CACNA1E: variants seen among roughly 807,000 people sequenced by gnomAD.
The protein encoded by CACNA1E is voltage-dependent R-type calcium channel subunit alpha-1E.
A neutral mutation model predicts 259.2 loss-of-function variants in CACNA1E; 40 were observed. The ratio of observed to expected loss-of-function variants is 0.15; its 90% CI spans 0.12 to 0.20. The LOEUF (loss-of-function observed/expected upper bound fraction) is 0.20. CACNA1E is among the 10% of genes least tolerant of loss of function. CACNA1E has a pLI of 1.00. For missense variants in CACNA1E, 1,874 were observed against 3,040.1 expected (o/e 0.62, Z 9.02); for synonymous variants, 1,104 against 1,138.5 (o/e 0.97, Z 0.61).
chr1:181,618,145 T>C (rs764280518), intron 6 of CACNA1E, among the ~76,000 whole-genome samples: 2 of 152,172 alleles, frequency 1.3e-5, no homozygotes, highest in Non-Finnish European at 2.9e-5. Flanking sequence ...TGTATTTGTA[T>C]GAATATGTGA....
intron 37 of CACNA1E, among the ~76,000 whole-genome samples, chr1:181,775,593 C>A (rs952779096): frequency 1.3e-5 from 2 of 152,172 alleles, no homozygotes; most frequent in Admixed American, 6.5e-5. Context: ...GCCCTTGGGA[C>A]AAATCAGGTT....
At chr1:181,726,894 G>A (rs1654958609) in intron 18 of CACNA1E, among the ~76,000 whole-genome samples, 1 of 152,124 alleles carries the variant, frequency 6.6e-6, no homozygotes, top group South Asian at 2.1e-4. Flanking sequence ...TGGAGAGAGA[G>A]CCAATAGGAT....
chr1:181,452,839 G>A (rs965361539), intron 2 of CACNA1E, among the ~76,000 whole-genome samples: 2 of 152,164 alleles, frequency 1.3e-5, no homozygotes, highest in Non-Finnish European at 2.9e-5. Context: ...GTTGTCTGGT[G>A]GTTCTTCTCA....
intron 1 of CACNA1E, among the ~76,000 whole-genome samples, chr1:181,339,853 T>C (rs1557925062): frequency 6.6e-6 from 1 of 152,112 alleles, no homozygotes; most frequent in Non-Finnish European, 1.5e-5. Context: ...TTAAGCAAAT[T>C]AGACTTTTGT....
At chr1:181,715,492 T>C (rs763595813) in intron 9 of CACNA1E, 101 bp downstream of exon 9, 3 of 701,968 alleles carry the variant, frequency 4.3e-6, no homozygotes, top group Non-Finnish European at 7.6e-6. Context: ...AAAGATGGTG[T>C]TCTGGGATTG....
At chr1:181,496,927 T>A (rs2102541428) in intron 1 of CACNA1E, among the ~76,000 whole-genome samples, 1 of 152,258 alleles carries the variant, frequency 6.6e-6, no homozygotes, top group East Asian at 1.9e-4. Context: ...TCTGTTGATA[T>A]GAGGAGCAGT....
At chr1:181,702,549 G>A (rs866081261) in intron 7 of CACNA1E, among the ~76,000 whole-genome samples, 8 of 152,100 alleles carry the variant, frequency 5.3e-5, no homozygotes, top group Non-Finnish European at 1.0e-4. Flanking sequence ...GGTATCTATG[G>A]CCCTACATGA....
intron 3 of CACNA1E, among the ~76,000 whole-genome samples, chr1:181,519,176 G>A (rs1464211442): frequency 6.6e-6 from 1 of 152,190 alleles, no homozygotes; most frequent in Non-Finnish European, 1.5e-5. Flanking sequence ...TGGCATAAAT[G>A]CGAACTCTAT....
In CACNA1E at chr1:181,716,065, G is replaced by A. The variant is rs1407212502; in HGVS notation, c.1251G>A (p.Arg417=). ...LEVLRRATIK[R]SRTEAMTRDS... Reference sequence around the variant, plus strand: ...TGCTTCGAAGGGCAACCATCAAGAGGAGCCGGACAGAGGCCATGACTCGAG... The same window carrying A: ...TGCTTCGAAGGGCAACCATCAAGAGAAGCCGGACAGAGGCCATGACTCGAG... The change falls in exon 10 of 48, where the codon AGG becomes AGA. Residue 417 remains arginine (R), a synonymous_variant. Coordinates refer to ENST00000367573, the MANE Select transcript of CACNA1E (RefSeq NM_001205293.3). 2 of 1,572,206 alleles carry A rather than the reference G, an allele frequency of 1.3e-6. No homozygotes were observed. The highest frequency in any genetic ancestry group is 1.7e-6 in the Non-Finnish European group (2 of 1,158,284).
chr1:181,726,719 C>A (rs1010868422), intron 18 of CACNA1E, among the ~76,000 whole-genome samples: 1 of 152,126 alleles, frequency 6.6e-6, no homozygotes, highest in African/African-American at 2.4e-5. Flanking sequence ...ATGATTTACA[C>A]TTTTAAAAAG....
chr1:181,327,279 T>G (rs1177562171), intron 1 of CACNA1E, among the ~76,000 whole-genome samples: 1 of 152,222 alleles, frequency 6.6e-6, no homozygotes, highest in African/African-American at 2.4e-5. Context: ...GCTCGCCAAC[T>G]ATGACTTTGA....
intron 1 of CACNA1E, among the ~76,000 whole-genome samples, chr1:181,396,196 C>G (rs1188152341): frequency 6.6e-6 from 1 of 152,228 alleles, no homozygotes; most frequent in Non-Finnish European, 1.5e-5. Flanking sequence ...AAGAGGGAGA[C>G]AGACTGCAGG....
intron 1 of CACNA1E, among the ~76,000 whole-genome samples, chr1:181,367,932 T>C (rs1018166519): frequency 6.6e-6 from 1 of 152,096 alleles, no homozygotes; most frequent in African/African-American, 2.4e-5. Context: ...TGTGAAGTAG[T>C]TGACAAAAAG....
chr1:181,350,727 T>C (rs1652984628), intron 1 of CACNA1E, among the ~76,000 whole-genome samples: 1 of 152,110 alleles, frequency 6.6e-6, no homozygotes, highest in South Asian at 2.1e-4. Context: ...GACTCAAACT[T>C]GGAAATCATC....
chr1:181,744,342 C>T (rs898639350), intron 25 of CACNA1E, among the ~76,000 whole-genome samples: 2 of 152,074 alleles, frequency 1.3e-5, no homozygotes, highest in Admixed American at 6.5e-5. Context: ...GGGAGCTGGG[C>T]GTGGTGGCTC....
At chr1:181,565,650 C>T (rs1649747702) in intron 3 of CACNA1E, among the ~76,000 whole-genome samples, 1 of 152,206 alleles carries the variant, frequency 6.6e-6, no homozygotes, top group African/African-American at 2.4e-5. Context: ...GTATTGTTGT[C>T]AGAGGAAGAG....
chr1:181,334,171 T>A lies in CACNA1E; in HGVS notation c.-15+16048T>A, dbSNP rs538876679. Among the ~76,000 whole-genome samples, 8 of 152,096 alleles carry A rather than the reference T, an allele frequency of 5.3e-5. No homozygotes were observed. The South Asian group carries it at 1.5e-3, about 28-fold the overall frequency. ...ATCTTGAGATACTTGACCTAATGAG[T>A]CCTTGACATGGACAGGCACTTCTTC... On this transcript the variant is annotated intron_variant, in intron 1 of 11. Transcript: ENST00000524607.
chr1:181,361,872 A>G (rs1330524341), intron 1 of CACNA1E, among the ~76,000 whole-genome samples: 1 of 152,222 alleles, frequency 6.6e-6, no homozygotes, highest in Non-Finnish European at 1.5e-5. Flanking sequence ...TAGCTTATAC[A>G]GCCTCTCCAG....
chr1:181,476,326 AGG>A (rs1480565577), intron 2 of CACNA1E, among the ~76,000 whole-genome samples: 1 of 152,172 alleles, frequency 6.6e-6, no homozygotes, highest in Non-Finnish European at 1.5e-5. Flanking sequence ...TGCTCAGTGT[AGG>A]AGAGAGTGGG....
Sources: allele counts gnomAD v4.1 joint callset (sites outside exome capture counted in the v4.1 genomes callset), GRCh38; gene constraint gnomAD v4.1.1; transcripts MANE v1.5; gene names NCBI Gene and HGNC (gene_info 2026-07-23, HGNC 2026-07-21).